The following CDH11 variants were observed in gnomAD, a reference collection of about 807,000 sequenced individuals.
CDH11 encodes the protein cadherin 11.
A neutral mutation model predicts 67.8 loss-of-function variants in CDH11; 11 were observed. The ratio of observed to expected loss-of-function variants is 0.16; its 90% confidence interval spans 0.10 to 0.27. The LOEUF is 0.27. Among genes scored for constraint, CDH11 ranks in the 10% least tolerant of loss-of-function variants. CDH11 has a pLI of 1.00. For missense variants in CDH11, 847 were observed against 1,031.2 expected, an observed-to-expected ratio of 0.82 and a Z score of 2.45; for synonymous variants, 419 against 400.0, an observed-to-expected ratio of 1.05 and a Z score of -0.57.
chr16:64,985,961 C>T (rs558880617), intron 7 of CDH11: 4 of 151,912 alleles, frequency 2.6e-5, no homozygotes, highest in South Asian at 2.1e-4. Context: ...TTTAGATTTC[C>T]AGCCTCTGGC....
chr16:64,988,823 T>G lies in CDH11; in HGVS notation c.812-479A>C, dbSNP rs533316315. ...ATAGTTACTTTAAAAATGCAAACTT[T>G]AACATCCCTCCCTGTCTAACTCTAT... On this transcript the variant is annotated intron_variant, in intron 6 of 12. Coordinates refer to ENST00000268603, the MANE Select transcript of CDH11 (RefSeq NM_001797.4). Among the ~76,000 whole-genome samples the G allele has an allele frequency of 7.2e-5, 11 of 152,298 alleles. No homozygotes were observed. The South Asian group carries it at 2.1e-3, about 29-fold the overall frequency.
At chr16:65,017,082 G>T (rs2073325442) in intron 2 of CDH11, among the ~76,000 whole-genome samples, 1 of 152,130 alleles carries the variant, frequency 6.6e-6, no homozygotes, top group Admixed American at 6.6e-5. Flanking sequence ...CTTGGTTTTG[G>T]TGGACTTTGG....
At chr16:65,011,120 C>T (rs5003952) in intron 2 of CDH11, among the ~76,000 whole-genome samples, 50,199 of 143,220 alleles carry the variant, frequency 0.35, 9,094 homozygotes, top group South Asian at 0.49. Context: ...TATACATACA[C>T]ACACACACAC....
intron 11 of CDH11, among the ~76,000 whole-genome samples, chr16:64,970,529 G>A (rs753896917): frequency 3.9e-5 from 6 of 152,200 alleles, no homozygotes; most frequent in Non-Finnish European, 7.3e-5. Context: ...CTATGGTGGT[G>A]TTAAGAAAAT....
intron 1 of CDH11, among the ~76,000 whole-genome samples, chr16:65,073,542 G>T (rs560443433): frequency 6.6e-6 from 1 of 152,140 alleles, no homozygotes; most frequent in Non-Finnish European, 1.5e-5. Context: ...TTGGCCTCTC[G>T]AAGTGCTGGG....
intron 1 of CDH11, among the ~76,000 whole-genome samples, chr16:65,112,081 A>AT (rs1430835138): frequency 6.6e-6 from 1 of 151,764 alleles, no homozygotes; most frequent in East Asian, 1.9e-4. Flanking sequence ...AAAAAAAAAA[A>AT]AAAAAAAGAA....
At chr16:64,970,245 A>T (rs1376557710) in intron 11 of CDH11, among the ~76,000 whole-genome samples, 1 of 152,198 alleles carries the variant, frequency 6.6e-6, no homozygotes, top group East Asian at 1.9e-4. Context: ...CTTGATTTAT[A>T]AGGCCCATAA....
In CDH11 at chr16:65,121,994, T is replaced by G; in HGVS notation, c.-412A>C. The G allele has an allele frequency of 1.4e-6, 1 of 700,448 alleles. No homozygotes were observed. The highest frequency in any genetic ancestry group is 2.7e-5 in the East Asian group (1 of 37,078). 43.4% of individuals were successfully genotyped at this position (700,448 alleles called of 1,614,324 possible). ...GTCCCATTCACAAGTCAGCGGCGGC[T>G]GCGAGCGGCCCCCGCGGCATCTGCT... On this transcript the variant is annotated 5_prime_UTR_variant, in exon 1 of 13. Coordinates refer to ENST00000268603, the MANE Select transcript of CDH11 (RefSeq NM_001797.4). This position sits in a 1 kb window ranked among gnomAD's most constrained non-coding sequence, Gnocchi z 4.1.
intron 2 of CDH11, among the ~76,000 whole-genome samples, chr16:65,012,728 C>T (rs1381936322): frequency 6.6e-6 from 1 of 152,298 alleles, no homozygotes; most frequent in East Asian, 1.9e-4. Flanking sequence ...CAGCAAGCTT[C>T]CTGTATGTAA....
intron 2 of CDH11, among the ~76,000 whole-genome samples, chr16:65,031,284 T>C (rs1403882787): frequency 6.6e-6 from 1 of 152,178 alleles, no homozygotes; most frequent in Non-Finnish European, 1.5e-5. Context: ...GCAGAGGCAA[T>C]AGCAAACAAA....
intron 1 of CDH11, among the ~76,000 whole-genome samples, chr16:65,061,951 A>T (rs1318196796): frequency 6.6e-6 from 1 of 152,184 alleles, no homozygotes; most frequent in Non-Finnish European, 1.5e-5. Context: ...GCACAAAAAG[A>T]CGGAGTAAAG....
chr16:65,082,698 A>G (rs2074631392), intron 1 of CDH11, among the ~76,000 whole-genome samples: 2 of 152,250 alleles, frequency 1.3e-5, no homozygotes, highest in Non-Finnish European at 2.9e-5. Flanking sequence ...AAGGCAGGAT[A>G]TATAGTGAAT....
At chr16:65,111,375 C>T (rs374011950) in intron 1 of CDH11, among the ~76,000 whole-genome samples, 5 of 152,290 alleles carry the variant, frequency 3.3e-5, no homozygotes, top group East Asian at 3.9e-4. Flanking sequence ...GACATGGTCA[C>T]GCCTGGAAGC....
chr16:64,956,104 T>C (rs2071502802), intron 11 of CDH11, among the ~76,000 whole-genome samples: 1 of 152,222 alleles, frequency 6.6e-6, no homozygotes, highest in Non-Finnish European at 1.5e-5. Flanking sequence ...TTTTCTTATA[T>C]AAAGATTCTA....
chr16:65,022,061 G>C (rs1374631693), intron 2 of CDH11, among the ~76,000 whole-genome samples: 1 of 152,046 alleles, frequency 6.6e-6, no homozygotes, highest in Non-Finnish European at 1.5e-5. Context: ...CTAAGCTACA[G>C]TATGAGGCAA....
intron 8 of CDH11, among the ~76,000 whole-genome samples, chr16:64,980,461 G>A (rs2072303408): frequency 6.6e-6 from 1 of 152,134 alleles, no homozygotes; most frequent in African/African-American, 2.4e-5. Context: ...CATCTCTAGG[G>A]AGCCCTGGAA....
At chr16:65,118,099 C>T (rs1191841663) in intron 1 of CDH11, among the ~76,000 whole-genome samples, 1 of 152,146 alleles carries the variant, frequency 6.6e-6, no homozygotes, top group African/African-American at 2.4e-5. Context: ...GTAACAAAAC[C>T]GCTTTTCATG....
intron 2 of CDH11, among the ~76,000 whole-genome samples, chr16:65,014,274 A>T (rs976114316): frequency 9.9e-5 from 15 of 152,168 alleles, no homozygotes; most frequent in African/African-American, 3.4e-4. Flanking sequence ...ACATAATGTC[A>T]GTCACGTGTA....
intron 7 of CDH11, 44 bp downstream of exon 7, chr16:64,988,113 G>A: frequency 4.8e-6 from 7 of 1,467,168 alleles, no homozygotes; most frequent in Non-Finnish European, 6.5e-6. Context: ...CCTTGGCAGA[G>A]CAGGCCATAC....
Sources: gnomAD v4.1 joint callset for allele counts (sites outside exome capture counted in the v4.1 genomes callset) on GRCh38, gnomAD v4.1.1 for gene constraint, Gnocchi (gnomAD v3.1) non-coding constraint, MANE v1.5 for transcripts, NCBI Gene and HGNC (gene_info 2026-07-23, HGNC 2026-07-21) for gene names.